The following ERBB4 variants were observed in gnomAD, a reference collection of about 807,000 sequenced individuals.
ERBB4 encodes receptor tyrosine-protein kinase erbB-4.
ERBB4 carries 42 observed loss-of-function variants against 158.0 expected under a neutral mutation model. The observed-to-expected ratio is 0.27, with a 90% CI of 0.21 to 0.34. The LOEUF is 0.34. Among genes scored for constraint, ERBB4 ranks in the 10% least tolerant of loss-of-function variants. ERBB4 has a pLI of 1.00. For missense variants in ERBB4, 1,333 were observed against 1,624.1 expected (o/e 0.82, Z 3.08); for synonymous variants, 583 against 558.7 (o/e 1.04, Z -0.61).
chr2:212,008,248 C>G (rs1022791972), intron 2 of ERBB4, among the ~76,000 whole-genome samples: 1 of 152,018 alleles, frequency 6.6e-6, no homozygotes, highest in Non-Finnish European at 1.5e-5. Context: ...TATGATACAT[C>G]TCGAGTTTAA....
At chr2:212,300,084 G>C (rs2086562807) in intron 1 of ERBB4, among the ~76,000 whole-genome samples, 1 of 151,514 alleles carries the variant, frequency 6.6e-6, no homozygotes, top group African/African-American at 2.4e-5. Flanking sequence ...GTTCGCCCAA[G>C]CAGTAGCCTC....
At chr2:211,713,470 A>T in intron 8 of ERBB4, 65 bp downstream of exon 8, 1 of 983,010 alleles carries the variant, frequency 1.0e-6, no homozygotes, top group Admixed American at 1.8e-5. Context: ...GGTCTACTTA[A>T]AAGTGAATTA....
At chr2:212,132,260 G>GACCTTAAGTCC (rs1315683285) in intron 1 of ERBB4, among the ~76,000 whole-genome samples, 8 of 152,128 alleles carry the variant, frequency 5.3e-5, no homozygotes, top group African/African-American at 1.9e-4. Flanking sequence ...TCTTTAATTG[G>GACCTTAAGTCC]AGATTAAGTA....
intron 2 of ERBB4, among the ~76,000 whole-genome samples, chr2:212,042,957 A>C (rs2077174910): frequency 2.0e-5 from 3 of 152,180 alleles, no homozygotes; most frequent in Non-Finnish European, 4.4e-5. Flanking sequence ...CTATGCCAAT[A>C]AAATGACTTT....
intron 2 of ERBB4, among the ~76,000 whole-genome samples, chr2:212,119,666 G>A (rs2079684247): frequency 6.6e-6 from 1 of 152,020 alleles, no homozygotes; most frequent in Non-Finnish European, 1.5e-5. Flanking sequence ...CCAGCAATGT[G>A]GTTCCTTGGT....
intron 12 of ERBB4, among the ~76,000 whole-genome samples, chr2:211,698,222 G>T (rs1228710516): frequency 6.6e-6 from 1 of 150,682 alleles, no homozygotes; most frequent in Non-Finnish European, 1.5e-5. Context: ...TGAGGCAGGA[G>T]AATTGCTTGA....
intron 7 of ERBB4, among the ~76,000 whole-genome samples, chr2:211,713,919 T>C (rs530026271): frequency 3.3e-4 from 51 of 152,316 alleles, no homozygotes; most frequent in South Asian, 8.3e-4. Flanking sequence ...TTTATATACT[T>C]AGGAAACTAC....
intron 19 of ERBB4, among the ~76,000 whole-genome samples, chr2:211,591,768 T>C (rs1226781248): frequency 6.6e-6 from 1 of 152,206 alleles, no homozygotes; most frequent in African/African-American, 2.4e-5. Context: ...AAGTTGAAAG[T>C]TTCCAGGTGT....
At chr2:211,883,034 G>A (rs1275708595) in intron 3 of ERBB4, among the ~76,000 whole-genome samples, 1 of 152,108 alleles carries the variant, frequency 6.6e-6, no homozygotes, top group Non-Finnish European at 1.5e-5. Flanking sequence ...ATTCACAATA[G>A]CAAAGACCAA....
intron 4 of ERBB4, among the ~76,000 whole-genome samples, chr2:211,752,385 T>G (rs772056493): frequency 2.1e-4 from 32 of 151,704 alleles, no homozygotes; most frequent in Non-Finnish European, 4.4e-4. Context: ...TTGAAGATAG[T>G]TGAAGCATAA....
intron 1 of ERBB4, among the ~76,000 whole-genome samples, chr2:212,337,751 C>T (rs1442354820): frequency 2.0e-5 from 3 of 152,094 alleles, no homozygotes; most frequent in Non-Finnish European, 4.4e-5. Context: ...TCCACTCTTG[C>T]TACTTAAAGC....
At chr2:211,449,361 G>C (rs1374629716) in intron 20 of ERBB4, among the ~76,000 whole-genome samples, 1 of 152,048 alleles carries the variant, frequency 6.6e-6, no homozygotes, top group African/African-American at 2.4e-5. Flanking sequence ...GAAAAGTTCA[G>C]CTACTATTTT....
Position 212,374,253 on chromosome 2 carries a change from G to A in ERBB4, c.82+164196C>T, listed in dbSNP as rs529664113. Among the ~76,000 whole-genome samples, 4 of 151,080 alleles carry A rather than the reference G, an allele frequency of 2.6e-5. No homozygotes were observed. In the South Asian group the frequency reaches 8.3e-4, roughly 31 times the overall value. On this transcript the variant is annotated intron_variant, in intron 1 of 27. Transcript: ENST00000342788. ...TGCTGTATATTATATTACATCCATG[G>A]CTAAAACATTTCAAAGACCTTAACA...
intron 1 of ERBB4, among the ~76,000 whole-genome samples, chr2:212,401,988 C>A (rs1449277171): frequency 1.3e-5 from 2 of 152,104 alleles, no homozygotes; most frequent in African/African-American, 4.8e-5. Flanking sequence ...TTTTTATATA[C>A]AATCTATTAA....
At chr2:211,705,106 G>A (rs1048323842) in intron 10 of ERBB4, among the ~76,000 whole-genome samples, 14 of 151,968 alleles carry the variant, frequency 9.2e-5, no homozygotes, top group African/African-American at 2.4e-4. Flanking sequence ...ACAGGCACGC[G>A]CCACCACACC....
Position 211,586,856 on chromosome 2 carries a change from T to C in ERBB4, c.2302-24768A>G, listed in dbSNP as rs201164361. On this transcript the variant is annotated intron_variant, in intron 19 of 27. Coordinates refer to ENST00000342788, the MANE Select transcript of ERBB4 (RefSeq NM_005235.3). ...AAGAAATATCATTTCAAGACTCACT[T>C]ATTCTTTCCGATAATATTTATCTGG... 9.2e-5 allele frequency among the ~76,000 whole-genome samples: 14 copies of C among 152,286 alleles called. No homozygotes were observed. In the East Asian group the frequency reaches 2.7e-3, roughly 29 times the overall value.
intron 1 of ERBB4, among the ~76,000 whole-genome samples, chr2:212,512,833 C>T (rs555464825): frequency 1.3e-5 from 2 of 152,032 alleles, no homozygotes; most frequent in African/African-American, 4.8e-5. Flanking sequence ...AAAGAAAAGC[C>T]CCTAGCAGAA....
intron 1 of ERBB4, among the ~76,000 whole-genome samples, chr2:212,131,405 T>TA (rs1284809257): frequency 6.6e-6 from 1 of 152,206 alleles, no homozygotes; most frequent in Non-Finnish European, 1.5e-5. Context: ...TAAGAATCTG[T>TA]AGTCATCTTT....
chr2:211,709,425 G>A (rs910200404), intron 9 of ERBB4, among the ~76,000 whole-genome samples: 10 of 151,520 alleles, frequency 6.6e-5, no homozygotes, highest in African/African-American at 2.4e-4. Context: ...GAACATTTTT[G>A]AAACCTTTCT....
Sources: gnomAD v4.1 joint callset for allele counts (sites outside exome capture counted in the v4.1 genomes callset) on GRCh38, gnomAD v4.1.1 for gene constraint, MANE v1.5 for transcripts, NCBI Gene and HGNC (gene_info 2026-07-23, HGNC 2026-07-21) for gene names.